Variants in HEATR4 observed in about 807,000 individuals in gnomAD.
HEATR4 encodes HEAT repeat containing 4, also known as HEAT repeat-containing protein 4.
HEATR4 carries 95 observed loss-of-function variants against 108.8 expected under a neutral mutation model. The ratio of observed to expected loss-of-function variants is 0.87; its 90% confidence interval spans 0.74 to 1.04. HEATR4 has a LOEUF of 1.04. HEATR4 is among the 50% of genes least tolerant of loss of function. The probability of loss-of-function intolerance (pLI) is 0.00; values close to 1 mark genes in which losing one functional copy is unlikely to be tolerated. For missense variants in HEATR4, 1,152 were observed against 1,253.8 expected (o/e 0.92, Z 1.23); for synonymous variants, 443 against 459.4 (o/e 0.96, Z 0.46).
At chr14:73,608,769 C>T in the HEATR4 span, among the ~76,000 whole-genome samples, 2 of 152,118 alleles carry the variant, frequency 1.3e-5, no homozygotes, top group Admixed American at 1.3e-4. Flanking sequence ...AAAGACCTAC[C>T]TGAGATGGGA....
At chr14:73,519,266 A>C in intron 4 of HEATR4, 103 bp from the exon 5 acceptor site, 1 of 1,204,278 alleles carries the variant, frequency 8.3e-7, no homozygotes, top group African/African-American at 1.5e-5. Flanking sequence ...TTTTGCCCTA[A>C]TCTAAGCCCC....
intron 12 of HEATR4, among the ~76,000 whole-genome samples, 162 bp from the exon 13 acceptor site, chr14:73,499,302 G>A (rs1886285095): frequency 6.6e-6 from 1 of 152,120 alleles, no homozygotes; most frequent in African/African-American, 2.4e-5. Context: ...CCAACATGGT[G>A]AAACCCTGTC....
chr14:73,626,922 G>C, the HEATR4 span, among the ~76,000 whole-genome samples: 1 of 149,604 alleles, frequency 6.7e-6, no homozygotes, highest in Admixed American at 6.8e-5. Context: ...CCCCTAGGTA[G>C]CTGGGATTAC....
chr14:73,632,496 T>C, the HEATR4 span, among the ~76,000 whole-genome samples: 1 of 152,006 alleles, frequency 6.6e-6, no homozygotes, highest in Non-Finnish European at 1.5e-5. Context: ...AATGAAAAAC[T>C]ATGGTTTTAT....
At chr14:73,570,883 G>A in the HEATR4 span, among the ~76,000 whole-genome samples, 2 of 145,538 alleles carry the variant, frequency 1.4e-5, no homozygotes, top group South Asian at 4.6e-4. Context: ...CCAGCCTGGG[G>A]GACAAGAGTG....
the HEATR4 span, among the ~76,000 whole-genome samples, chr14:73,564,306 A>G: frequency 6.8e-6 from 1 of 147,750 alleles, no homozygotes; most frequent in East Asian, 2.0e-4. Flanking sequence ...TTGAAAAAAA[A>G]AAAAATTAAA....
At chr14:73,595,607 T>G in the HEATR4 span, 1 of 1,559,332 alleles carries the variant, frequency 6.4e-7, no homozygotes, top group Non-Finnish European at 8.7e-7. Flanking sequence ...AGCCTTCTTC[T>G]GCAAACACCT....
chr14:73,561,444 T>C (rs1889530537), upstream of HEATR4, among the ~76,000 whole-genome samples: 2 of 152,024 alleles, frequency 1.3e-5, no homozygotes, highest in Non-Finnish European at 2.9e-5. Flanking sequence ...TCCCAGCACT[T>C]TGGGAGCCTG....
At chr14:73,610,660 A>G in the HEATR4 span, among the ~76,000 whole-genome samples, 1 of 152,092 alleles carries the variant, frequency 6.6e-6, no homozygotes, top group Non-Finnish European at 1.5e-5. Context: ...GGCATATGAA[A>G]TGTACTAGGT....
At chr14:73,599,446 T>C in the HEATR4 span, among the ~76,000 whole-genome samples, 1 of 152,262 alleles carries the variant, frequency 6.6e-6, no homozygotes. Flanking sequence ...GGATCACCAC[T>C]GTTCGAAGTG....
chr14:73,565,140 C>T, the HEATR4 span, among the ~76,000 whole-genome samples: 6 of 152,054 alleles, frequency 3.9e-5, no homozygotes, highest in African/African-American at 1.4e-4. Context: ...AATATTTACA[C>T]ACATTCATTA....
chr14:73,508,387 C>T, intron 8 of HEATR4, 93 bp from the exon 9 acceptor site: 1 of 998,124 alleles, frequency 1.0e-6, no homozygotes, highest in African/African-American at 1.6e-5. Flanking sequence ...TGCTACCCCA[C>T]CTGATATCTC....
chr14:73,505,017 C>T (rs367555497), intron 10 of HEATR4, among the ~76,000 whole-genome samples: 6 of 151,460 alleles, frequency 4.0e-5, no homozygotes, highest in South Asian at 2.1e-4. Flanking sequence ...CTGAAACCGC[C>T]GCCTCCCAGG....
At chr14:73,566,282 G>A in the HEATR4 span, among the ~76,000 whole-genome samples, 7 of 152,240 alleles carry the variant, frequency 4.6e-5, no homozygotes, top group East Asian at 1.9e-4. Context: ...CCAGTGGATC[G>A]TGCACTGGGG....
the HEATR4 span, among the ~76,000 whole-genome samples, chr14:73,606,266 G>C: frequency 6.6e-6 from 1 of 152,068 alleles, no homozygotes; most frequent in Admixed American, 6.6e-5. Flanking sequence ...TGAGGCAGGA[G>C]AATCACTTGA....
chr14:73,549,532 T>TG (rs1410487015), intron 1 of HEATR4, among the ~76,000 whole-genome samples: 6 of 117,492 alleles, frequency 5.1e-5, no homozygotes, highest in African/African-American at 1.7e-4. Context: ...TCATAGATCC[T>TG]GCAAGCCAAT....
Position 73,493,108 on chromosome 14 carries a change from A to G in HEATR4, c.2802T>C (p.Pro934=). 6.2e-7 allele frequency: 1 copy of G among 1,611,820 alleles called. No individual in the cohort carries two copies. The highest frequency in any genetic ancestry group is 1.7e-4 in the Middle Eastern group (1 of 6,056). Residue 934 remains proline (P), a synonymous_variant, in exon 17 of 18, where the codon CCT becomes CCC. Coordinates refer to ENST00000553558, the MANE Select transcript of HEATR4 (RefSeq NM_001220484.1). ...TGTCACAAACCTCGGAAGGTCTTCT[A>G]GGAAGAACCATCTCATCTAGGTACA... ...QETFQDEMVL[P]RRPSEVCDTE...
chr14:73,615,388 T>TAAAA, the HEATR4 span, among the ~76,000 whole-genome samples: 208 of 63,284 alleles, frequency 3.3e-3, 12 homozygotes, highest in African/African-American at 0.017. Flanking sequence ...CTCTGTCTGA[T>TAAAA]AAAAAAAAAA....
intron 17 of HEATR4, among the ~76,000 whole-genome samples, chr14:73,487,485 T>C (rs1398298522): frequency 6.6e-6 from 1 of 152,046 alleles, no homozygotes; most frequent in Non-Finnish European, 1.5e-5. Context: ...AGAAAATTGC[T>C]TGAATCTGGG....
Sources: allele counts gnomAD v4.1 joint callset (sites outside exome capture counted in the v4.1 genomes callset), GRCh38; gene constraint gnomAD v4.1.1; transcripts MANE v1.5; gene names NCBI Gene and HGNC (gene_info 2026-07-23, HGNC 2026-07-21).